The following HPSE2 variants were observed in gnomAD, a reference collection of about 807,000 sequenced individuals.
HPSE2 encodes the protein heparanase 2 (inactive), also known as inactive heparanase-2.
A neutral mutation model predicts 60.5 loss-of-function variants in HPSE2; 38 were observed. The observed-to-expected ratio is 0.63, with a 90% CI of 0.48 to 0.82. The LOEUF (loss-of-function observed/expected upper bound fraction) is 0.82. Ranked by LOEUF, HPSE2 falls within the 40% of genes least tolerant of loss-of-function variation. The probability of loss-of-function intolerance (pLI) is 0.00; values close to 1 mark genes in which losing one functional copy is unlikely to be tolerated. For missense variants in HPSE2, 713 were observed against 740.4 expected, an observed-to-expected ratio of 0.96 and a Z score of 0.43; for synonymous variants, 295 against 293.2, an observed-to-expected ratio of 1.01 and a Z score of -0.06.
intron 2 of HPSE2, among the ~76,000 whole-genome samples, chr10:99,211,592 C>T (rs1638398455): frequency 1.3e-5 from 2 of 152,024 alleles, no homozygotes; most frequent in South Asian, 4.2e-4. Flanking sequence ...ACAAAATTGC[C>T]AAGAACAGGC....
chr10:98,558,140 AC>A (rs1300901822), intron 9 of HPSE2, among the ~76,000 whole-genome samples: 7 of 152,200 alleles, frequency 4.6e-5, no homozygotes, highest in South Asian at 4.1e-4. Flanking sequence ...TCAAGTGTTG[AC>A]AAGGCTGTGG....
intron 9 of HPSE2, among the ~76,000 whole-genome samples, chr10:98,600,871 ATATG>A (rs1565002673): frequency 9.7e-6 from 1 of 102,830 alleles, no homozygotes; most frequent in Non-Finnish European, 2.3e-5. Flanking sequence ...ATATACGTAT[ATATG>A]TATATATACA....
intron 3 of HPSE2, among the ~76,000 whole-genome samples, chr10:98,932,419 C>T (rs1396601369): frequency 7.0e-6 from 1 of 143,496 alleles, no homozygotes; most frequent in African/African-American, 2.8e-5. Flanking sequence ...AGGATATTGG[C>T]CTAAAGTTTT....
intron 3 of HPSE2, among the ~76,000 whole-genome samples, chr10:98,807,833 T>C (rs1017575303): frequency 6.6e-6 from 1 of 152,232 alleles, no homozygotes; most frequent in Non-Finnish European, 1.5e-5. Context: ...ATAGCCTAAG[T>C]GAGAAGTTCC....
Position 98,511,655 on chromosome 10 carries a change from T to C in HPSE2, c.1321-21459A>G, listed in dbSNP as rs188090728. 4.6e-5 allele frequency among the ~76,000 whole-genome samples: 7 copies of C among 151,406 alleles called. No homozygotes were observed. In the East Asian group the frequency reaches 1.4e-3, roughly 30 times the overall value. ...AAGGTTCAGGATGGTTGGAAGGAAG[T>C]TTCTTGAGATCAGGGCCTGTATCTT... is the stretch of plus-strand genomic sequence containing the variant. On this transcript the variant is annotated intron_variant, in intron 9 of 11. Coordinates refer to ENST00000370552, the MANE Select transcript of HPSE2 (RefSeq NM_021828.5).
chr10:98,905,557 A>T (rs571576745), intron 3 of HPSE2, among the ~76,000 whole-genome samples: 1 of 152,122 alleles, frequency 6.6e-6, no homozygotes, highest in Non-Finnish European at 1.5e-5. Context: ...ACTTCTATTC[A>T]TTCAGCCTAT....
intron 3 of HPSE2, among the ~76,000 whole-genome samples, chr10:99,082,315 G>T (rs1385073740): frequency 6.6e-6 from 1 of 152,154 alleles, no homozygotes; most frequent in Non-Finnish European, 1.5e-5. Context: ...GTTCCCAAAA[G>T]ACCTCAAAGA....
At chr10:98,739,798 G>A (rs529344088) in intron 4 of HPSE2, among the ~76,000 whole-genome samples, 2 of 152,262 alleles carry the variant, frequency 1.3e-5, no homozygotes, top group Admixed American at 6.5e-5. Flanking sequence ...ATATATTTGG[G>A]AAGCACATTT....
chr10:98,778,253 T>TGAGA (rs1589811556), intron 3 of HPSE2, among the ~76,000 whole-genome samples: 1 of 23,946 alleles, frequency 4.2e-5, no homozygotes, highest in African/African-American at 1.6e-4. Flanking sequence ...GGATGCTCAG[T>TGAGA]GAGAGAGAGA....
At chr10:98,757,670 G>A (rs1271139647) in intron 3 of HPSE2, among the ~76,000 whole-genome samples, 2 of 151,968 alleles carry the variant, frequency 1.3e-5, no homozygotes, top group Non-Finnish European at 2.9e-5. Flanking sequence ...AAACGCTGCT[G>A]AGAGAAATTA....
At chr10:98,466,234 T>C (rs1161843885) in intron 11 of HPSE2, among the ~76,000 whole-genome samples, 1 of 152,222 alleles carries the variant, frequency 6.6e-6, no homozygotes, top group Non-Finnish European at 1.5e-5. Flanking sequence ...ATGTGTTTTA[T>C]CAGGAGCAGC....
chr10:99,257,718 A>C, the HPSE2 span, among the ~76,000 whole-genome samples: 1 of 152,050 alleles, frequency 6.6e-6, no homozygotes, highest in African/African-American at 2.4e-5. Flanking sequence ...TTACCTTGTG[A>C]AGTATGTGAT....
intron 3 of HPSE2, among the ~76,000 whole-genome samples, chr10:98,822,929 T>C (rs942437096): frequency 6.6e-6 from 1 of 152,234 alleles, no homozygotes; most frequent in Non-Finnish European, 1.5e-5. Context: ...AAATGGAGAA[T>C]TTTTAGATGG....
intron 3 of HPSE2, among the ~76,000 whole-genome samples, chr10:99,119,043 A>G (rs1453530785): frequency 2.0e-5 from 3 of 148,436 alleles, no homozygotes; most frequent in Non-Finnish European, 4.5e-5. Context: ...AAGAAAGAAA[A>G]GAAAAGAAAG....
chr10:98,943,555 A>G (rs1955087827), intron 3 of HPSE2, among the ~76,000 whole-genome samples: 2 of 152,016 alleles, frequency 1.3e-5, no homozygotes, highest in African/African-American at 4.8e-5. Flanking sequence ...GACAAATAAC[A>G]CATGGTGTGT....
chr10:98,767,797 T>A (rs562635018), intron 3 of HPSE2, among the ~76,000 whole-genome samples: 3 of 145,620 alleles, frequency 2.1e-5, no homozygotes, highest in Admixed American at 6.9e-5. Context: ...TATGTATAAA[T>A]TTAATATACT....
At chr10:98,597,041 C>A (rs987970699) in intron 9 of HPSE2, among the ~76,000 whole-genome samples, 1 of 151,980 alleles carries the variant, frequency 6.6e-6, no homozygotes, top group East Asian at 1.9e-4. Context: ...AGGAGAAGTG[C>A]CAAGCAAAAG....
At chr10:99,290,132 AT>A in the HPSE2 span, among the ~76,000 whole-genome samples, 2 of 152,056 alleles carry the variant, frequency 1.3e-5, no homozygotes, top group Non-Finnish European at 1.5e-5. Context: ...GATTAAAATT[AT>A]TTTTTTTAAC....
chr10:98,589,136 A>G (rs7897157), intron 9 of HPSE2, among the ~76,000 whole-genome samples: 13,779 of 152,208 alleles, frequency 0.091, 2,061 homozygotes, highest in African/African-American at 0.31. Flanking sequence ...ACTGCAGTCA[A>G]GTATAGGCCA....
Sources: gnomAD v4.1 joint callset for allele counts (sites outside exome capture counted in the v4.1 genomes callset) on GRCh38, gnomAD v4.1.1 for gene constraint, MANE v1.5 for transcripts, NCBI Gene and HGNC (gene_info 2026-07-23, HGNC 2026-07-21) for gene names.